COLQ: variants seen among roughly 807,000 people sequenced by gnomAD.
COLQ encodes the protein collagen like tail subunit of asymmetric acetylcholinesterase.
COLQ carries 48 observed loss-of-function variants against 69.0 expected under a neutral mutation model. The ratio of observed to expected loss-of-function variants is 0.70; its 90% CI spans 0.55 to 0.88. COLQ has a LOEUF of 0.88. Ranked by LOEUF, COLQ falls within the 40% of genes least tolerant of loss-of-function variation. The pLI is 0.00. For missense variants in COLQ, 618 were observed against 594.6 expected (o/e 1.04, Z -0.41); for synonymous variants, 217 against 211.2 (o/e 1.03, Z -0.24).
At chr3:15,470,013 A>G (rs1484863278) in intron 11 of COLQ, among the ~76,000 whole-genome samples, 1 of 152,220 alleles carries the variant, frequency 6.6e-6, no homozygotes, top group African/African-American at 2.4e-5. Flanking sequence ...GAGCCTGCTG[A>G]CCAGGGGGAG....
chr3:15,460,622 G>C (rs971166995), intron 12 of COLQ, among the ~76,000 whole-genome samples: 2 of 152,176 alleles, frequency 1.3e-5, no homozygotes, highest in African/African-American at 4.8e-5. Context: ...TTTCCTGAGC[G>C]AGTTGACAGG....
At chr3:15,496,172 G>T (rs1051567510) in intron 1 of COLQ, 1 of 152,660 alleles carries the variant, frequency 6.6e-6, no homozygotes, top group African/African-American at 2.4e-5. Flanking sequence ...ATTATCAGCT[G>T]CATTTCTGGC....
chr3:15,509,949 G>A (rs556948860), intron 1 of COLQ, among the ~76,000 whole-genome samples: 4 of 152,220 alleles, frequency 2.6e-5, no homozygotes, highest in Non-Finnish European at 5.9e-5. Context: ...GAGGTGGGTG[G>A]ATCATGAGGT....
intron 3 of COLQ, among the ~76,000 whole-genome samples, chr3:15,481,932 C>T (rs111685866): frequency 5.5e-4 from 83 of 152,292 alleles, no homozygotes; most frequent in African/African-American, 1.7e-3. Flanking sequence ...TCCTTCACAT[C>T]CCTTGTAAGT....
intron 12 of COLQ, among the ~76,000 whole-genome samples, chr3:15,465,707 C>T (rs74384634): frequency 0.029 from 4,224 of 147,718 alleles, 176 homozygotes; most frequent in African/African-American, 0.098. Flanking sequence ...GATTCTTCTG[C>T]CTCAGCCTCA....
intron 7 of COLQ, 93 bp from the exon 8 acceptor site, chr3:15,475,044 G>T (rs2125116361): frequency 1.5e-6 from 2 of 1,349,528 alleles, no homozygotes; most frequent in Non-Finnish European, 2.1e-6. Context: ...GTGGTGGTAA[G>T]GTATGTCTCC....
intron 3 of COLQ, among the ~76,000 whole-genome samples, chr3:15,484,447 A>G (rs993685770): frequency 2.3e-4 from 35 of 152,196 alleles, no homozygotes; most frequent in African/African-American, 7.7e-4. Flanking sequence ...TATTTCCTCA[A>G]TTTGAATGTT....
chr3:15,466,459 C>A (rs1267762799), intron 11 of COLQ, 22 bp from the exon 12 acceptor site: 8 of 1,600,062 alleles, frequency 5.0e-6, no homozygotes, highest in Middle Eastern at 3.3e-4. Flanking sequence ...AAAGGCAGAG[C>A]CTGTTATGAA....
chr3:15,475,219 C>T (rs2062359514), intron 7 of COLQ: 2 of 658,788 alleles, frequency 3.0e-6, no homozygotes. Flanking sequence ...TTCTTCCTGC[C>T]CAAGAGAACA....
chr3:15,498,469 C>CCACACA (rs60324043), intron 1 of COLQ: 298,201 of 1,434,484 alleles, frequency 0.21, 12,379 homozygotes, highest in African/African-American at 0.3. Flanking sequence ...GCATGTGCAT[C>CCACACA]CACACACACA....
chr3:15,499,555 A>G (rs79104453), intron 1 of COLQ, among the ~76,000 whole-genome samples: 20,480 of 152,298 alleles, frequency 0.13, 1,478 homozygotes, highest in East Asian at 0.18. Flanking sequence ...AAAAGTTTAC[A>G]CAAATATAGG....
intron 2 of COLQ, 139 bp downstream of exon 2, chr3:15,489,386 T>TG (rs2062625941): frequency 2.6e-6 from 2 of 776,802 alleles, no homozygotes; most frequent in South Asian, 3.0e-5. Context: ...GCTCAACTTC[T>TG]GGGTGACAGT....
chr3:15,500,131 T>C (rs770676440), intron 1 of COLQ, among the ~76,000 whole-genome samples: 33 of 152,122 alleles, frequency 2.2e-4, no homozygotes, highest in African/African-American at 7.5e-4. Context: ...GAGGTGGGAT[T>C]TGAGCTGATA....
intron 1 of COLQ, among the ~76,000 whole-genome samples, chr3:15,519,982 A>G (rs1458342522): frequency 6.6e-6 from 1 of 152,248 alleles, no homozygotes; most frequent in Non-Finnish European, 1.5e-5. Flanking sequence ...CCCTGGCCAC[A>G]TGGTGCTTAT....
intron 1 of COLQ, among the ~76,000 whole-genome samples, chr3:15,517,401 T>C (rs1159775308): frequency 6.6e-6 from 1 of 152,160 alleles, no homozygotes; most frequent in Non-Finnish European, 1.5e-5. Context: ...GCTGCCCCCA[T>C]TCAGGAGTGC....
chr3:15,494,529 G>A (rs2062717382), intron 1 of COLQ, among the ~76,000 whole-genome samples: 1 of 152,166 alleles, frequency 6.6e-6, no homozygotes, highest in South Asian at 2.1e-4. Flanking sequence ...GGCCAGGCCT[G>A]TGGGAAGCAG....
At chr3:15,486,618 G>A (rs1052195262) in intron 3 of COLQ, among the ~76,000 whole-genome samples, 5 of 152,120 alleles carry the variant, frequency 3.3e-5, no homozygotes, top group African/African-American at 1.2e-4. Flanking sequence ...ACTGCTGAAG[G>A]TGGGAAGATA....
At position 15,473,924 on chromosome 3, in the gene COLQ, C is replaced by T. The variant is rs2062332538; in HGVS notation, c.636+76G>A. On this transcript the variant is annotated intron_variant, in intron 10 of 16. Coordinates refer to ENST00000383788, the MANE Select transcript of COLQ (RefSeq NM_005677.4). The surrounding 1 kb of genome is among the most constrained non-coding windows in gnomAD (Gnocchi z 4.0). ...CATCCCTGCCTGATAGACAAGGAGG[C>T]AGAGTTCTTTTTGTTGTGCTTGGAG... 1.3e-6 allele frequency: 2 copies of T among 1,487,552 alleles called. No homozygotes were observed. The highest frequency in any genetic ancestry group is 1.9e-6 in the Non-Finnish European group (2 of 1,068,214). 92.1% of individuals were successfully genotyped at this position (1,487,552 alleles called of 1,614,324 possible).
At chr3:15,463,807 G>T (rs2062157587) in intron 12 of COLQ, among the ~76,000 whole-genome samples, 1 of 152,156 alleles carries the variant, frequency 6.6e-6, no homozygotes, top group Non-Finnish European at 1.5e-5. Flanking sequence ...AAGAGGACTA[G>T]TTGAAAGGAC....
Sources: allele counts gnomAD v4.1 joint callset (sites outside exome capture counted in the v4.1 genomes callset), GRCh38; gene constraint gnomAD v4.1.1; non-coding constraint Gnocchi (gnomAD v3.1); transcripts MANE v1.5; gene names NCBI Gene and HGNC (gene_info 2026-07-23, HGNC 2026-07-21).